DNAH9: variants seen among roughly 807,000 people sequenced by gnomAD.
DNAH9 encodes dynein axonemal heavy chain 9, also known as DNAH9 variant protein.
In DNAH9, 345 loss-of-function variants were observed where a neutral mutation model predicts 471.6. The observed-to-expected ratio is 0.73, with a 90% CI of 0.67 to 0.80. The LOEUF (loss-of-function observed/expected upper bound fraction) is 0.80. Among genes scored for constraint, DNAH9 ranks in the 30% least tolerant of loss-of-function variants. DNAH9 has a pLI of 0.00. For synonymous variants in DNAH9, 2,093 were observed against 2,123.6 expected, an observed-to-expected ratio of 0.99 and a Z score of 0.40; for missense variants, 5,407 against 5,609.2, an observed-to-expected ratio of 0.96 and a Z score of 1.15.
At chr17:11,768,337 C>A in intron 36 of DNAH9, 116 bp from the exon 37 acceptor site, 1 of 1,071,764 alleles carries the variant, frequency 9.3e-7, no homozygotes, top group South Asian at 1.5e-5. Context: ...GCCGGCAGGC[C>A]CACACAGGGA....
intron 68 of DNAH9, among the ~76,000 whole-genome samples, chr17:11,968,630 A>G (rs1248676582): frequency 6.6e-6 from 1 of 152,246 alleles, no homozygotes; most frequent in Admixed American, 6.5e-5. Context: ...TCAAGTCCAG[A>G]ATATGGTAAG....
In DNAH9 at chr17:11,754,136, A is replaced by G. The variant is rs949382820; in HGVS notation, c.6738+1176A>G. On this transcript the variant is annotated intron_variant, in intron 33 of 68. Transcript: ENST00000262442. ...CCTCCAGCTCCATTCATGTTCCCAA[A>G]AAAAAAAAACAAAACATGATCTCAT... 2.0e-5 allele frequency among the ~76,000 whole-genome samples: 3 copies of G among 146,652 alleles called. No individual in the cohort carries two copies. The East Asian group carries it at 5.8e-4, about 28-fold the overall frequency.
intron 2 of DNAH9, among the ~76,000 whole-genome samples, chr17:11,608,557 TGG>T (rs2072558671): frequency 6.6e-6 from 1 of 152,170 alleles, no homozygotes; most frequent in Non-Finnish European, 1.5e-5. Context: ...TACAGCAATA[TGG>T]CCTTTTTTTC....
chr17:11,948,385 T>C (rs1382781134), intron 67 of DNAH9, among the ~76,000 whole-genome samples: 1 of 151,888 alleles, frequency 6.6e-6, no homozygotes, highest in African/African-American at 2.4e-5. Flanking sequence ...CCTGCCACCG[T>C]GCCCGGCTAA....
intron 33 of DNAH9, among the ~76,000 whole-genome samples, chr17:11,755,954 A>G (rs920493253): frequency 1.3e-5 from 2 of 152,164 alleles, no homozygotes; most frequent in Non-Finnish European, 2.9e-5. Context: ...GACAGAGAGA[A>G]TGAGAGCCAA....
In DNAH9 at chr17:11,969,457, T is replaced by G; in HGVS notation, c.13391T>G (p.Phe4464Cys). The G allele has an allele frequency of 6.2e-7, 1 of 1,613,930 alleles. No individual in the cohort carries two copies. The highest frequency in any genetic ancestry group is 1.1e-5 in the South Asian group (1 of 91,070). Reference protein sequence around the residue: ...SQRGPTYVWTFNLKTKENPSK... With the variant: ...SQRGPTYVWTCNLKTKENPSK... ...CGGGGACCCACCTACGTGTGGACTT[T>G]CAACCTGAAGACTAAGGAAAACCCA... The change falls in exon 69 of 69, where the codon TTC (phenylalanine) becomes TGC (cysteine). Residue 4464 changes from phenylalanine to cysteine, a missense_variant. Physicochemically the swap from Phe to Cys is radical, Grantham distance 205. Coordinates refer to ENST00000262442, the MANE Select transcript of DNAH9 (RefSeq NM_001372.4).
At chr17:11,804,791 G>A (rs111410772) in intron 43 of DNAH9, among the ~76,000 whole-genome samples, 8,628 of 151,574 alleles carry the variant, frequency 0.057, 300 homozygotes, top group African/African-American at 0.083. Context: ...GGGGAATGGC[G>A]TGAACCCAGA....
At chr17:11,658,105 T>C (rs1029338565) in intron 14 of DNAH9, among the ~76,000 whole-genome samples, 1 of 152,168 alleles carries the variant, frequency 6.6e-6, no homozygotes, top group Non-Finnish European at 1.5e-5. Flanking sequence ...GTAGATTAAT[T>C]TGAGGAAAAT....
intron 10 of DNAH9, among the ~76,000 whole-genome samples, chr17:11,641,258 C>T (rs2073265576): frequency 6.6e-6 from 1 of 151,932 alleles, no homozygotes; most frequent in African/African-American, 2.4e-5. Flanking sequence ...CACCCCACTC[C>T]AGCATTGCCA....
intron 10 of DNAH9, among the ~76,000 whole-genome samples, chr17:11,644,371 G>A (rs1460175355): frequency 6.6e-6 from 1 of 152,136 alleles, no homozygotes; most frequent in Non-Finnish European, 1.5e-5. Flanking sequence ...GGCTCAGCTA[G>A]GTGAGGGTGC....
intron 67 of DNAH9, among the ~76,000 whole-genome samples, chr17:11,950,136 T>C (rs1975311599): frequency 6.6e-6 from 1 of 152,240 alleles, no homozygotes; most frequent in Admixed American, 6.5e-5. Flanking sequence ...AGATTTCCCA[T>C]ACACCTGCTG....
At chr17:11,863,407 G>A (rs1400502364) in intron 50 of DNAH9, among the ~76,000 whole-genome samples, 2 of 152,080 alleles carry the variant, frequency 1.3e-5, no homozygotes, top group East Asian at 1.9e-4. Context: ...TTGATGTGCT[G>A]CTGGATTCGG....
chr17:11,649,686 TTTCCAGACTG>T (rs1440007701), intron 12 of DNAH9, among the ~76,000 whole-genome samples: 2 of 152,222 alleles, frequency 1.3e-5, no homozygotes, highest in Admixed American at 1.3e-4. Context: ...CTTCAAATAG[TTTCCAGACTG>T]TTGAACTAAA....
intron 41 of DNAH9, among the ~76,000 whole-genome samples, chr17:11,792,786 TCC>T (rs1482953963): frequency 6.6e-6 from 1 of 152,232 alleles, no homozygotes; most frequent in Non-Finnish European, 1.5e-5. Context: ...AACCACTTTT[TCC>T]CTCATTGTGG....
chr17:11,735,459 G>A (rs1200172956), intron 28 of DNAH9, among the ~76,000 whole-genome samples: 1 of 151,606 alleles, frequency 6.6e-6, no homozygotes, highest in Non-Finnish European at 1.5e-5. Flanking sequence ...TTTTTCAGAT[G>A]GAGTCTCACT....
chr17:11,817,748 T>C (rs1970151501), intron 45 of DNAH9, among the ~76,000 whole-genome samples: 1 of 152,208 alleles, frequency 6.6e-6, no homozygotes, highest in South Asian at 2.1e-4. Flanking sequence ...AGTCATTCTA[T>C]TAGTAAGATC....
chr17:11,855,630 G>A (rs1366478347), intron 50 of DNAH9, among the ~76,000 whole-genome samples: 1 of 152,178 alleles, frequency 6.6e-6, no homozygotes, highest in Non-Finnish European at 1.5e-5. Flanking sequence ...TGCCTGTCCT[G>A]TGACTCGAGA....
chr17:11,770,815 A>T (rs1968177565), intron 38 of DNAH9, among the ~76,000 whole-genome samples: 1 of 152,216 alleles, frequency 6.6e-6, no homozygotes, highest in African/African-American at 2.4e-5. Context: ...TGTATTATTA[A>T]CATTTTCCTT....
chr17:11,617,460 C>A lies in DNAH9; in HGVS notation c.954C>A (p.Arg318=). The change falls in exon 5 of 69, where the codon CGC becomes CGA. Residue 318 remains arginine (R), a synonymous_variant. Coordinates refer to ENST00000262442, the MANE Select transcript of DNAH9 (RefSeq NM_001372.4). ...ATGTGCACCTGATACCGCTCCAGCGCCACCTGGAAGCTCTGGAGAATGCAG... is the reference window on the plus strand; with the variant it reads ...ATGTGCACCTGATACCGCTCCAGCGACACCTGGAAGCTCTGGAGAATGCAG... ...DIHVHLIPLQ[R]HLEALENAEF... 1 of 1,614,178 alleles carries A rather than the reference C, an allele frequency of 6.2e-7. No individual in the cohort carries two copies.
Sources: allele counts gnomAD v4.1 joint callset (sites outside exome capture counted in the v4.1 genomes callset), GRCh38; gene constraint gnomAD v4.1.1; transcripts MANE v1.5; gene names NCBI Gene and HGNC (gene_info 2026-07-23, HGNC 2026-07-21).